Variants in DAO observed in about 807,000 individuals in gnomAD.
The protein encoded by DAO is D-amino acid oxidase.
In DAO, 51 loss-of-function variants were observed where a neutral mutation model predicts 50.1. The ratio of observed to expected loss-of-function variants is 1.02; its 90% CI spans 0.81 to 1.29. The LOEUF (loss-of-function observed/expected upper bound fraction) is 1.29, where lower values mean the gene tolerates loss of function less well. Among genes scored for constraint, DAO ranks in the 50% most tolerant of loss-of-function variants. The pLI is 0.00. For synonymous variants in DAO, 160 were observed against 166.2 expected (o/e 0.96, Z 0.29); for missense variants, 436 against 439.4 (o/e 0.99, Z 0.07).
At chr12:108,883,458 T>C (rs1380200564) in intron 1 of DAO, among the ~76,000 whole-genome samples, 2 of 152,246 alleles carry the variant, frequency 1.3e-5, no homozygotes, top group African/African-American at 4.8e-5. Context: ...CCCTCTCTCC[T>C]TTTGTTCCTG....
chr12:108,896,098 G>C (rs1227436485), intron 7 of DAO, among the ~76,000 whole-genome samples: 2 of 151,768 alleles, frequency 1.3e-5, no homozygotes, highest in African/African-American at 2.4e-5. Flanking sequence ...TGAAACTTTA[G>C]TTAGTGCCCA....
At chr12:108,884,308 A>G (rs1481637870) in intron 1 of DAO, among the ~76,000 whole-genome samples, 1 of 152,196 alleles carries the variant, frequency 6.6e-6, no homozygotes, top group Non-Finnish European at 1.5e-5. Context: ...TGGCTGTGTG[A>G]CTTCAGGTAA....
Position 108,889,515 on chromosome 12 carries a change from C to T in DAO, c.356C>T (p.Pro119Leu), listed in dbSNP as rs780068280. 2.5e-5 allele frequency: 40 copies of T among 1,613,170 alleles called. No homozygotes were observed. Among genetic ancestry groups the T allele is most frequent in the East Asian group, 4.5e-5 (2 of 44,808 alleles). The change falls in exon 4 of 11, where the codon CCC becomes CTC. Residue 119 changes from proline (P) to leucine (L), a missense_variant. Physicochemically the swap from Pro to Leu is moderately conservative, Grantham distance 98. Transcript: ENST00000228476. ...GTTCTGGGATTTCGGAAGCTGACCC[C>T]CAGAGAGCTGGATATGTTCCCAGAT... ...DTVLGFRKLT[P>L]RELDMFPDYG...
chr12:108,887,427 C>T (rs759028407), intron 2 of DAO, 23 bp from the exon 3 acceptor site: 19 of 1,576,352 alleles, frequency 1.2e-5, no homozygotes, highest in Admixed American at 1.7e-5. Context: ...ATTGGGTGAT[C>T]GAACTCTTCA....
In DAO at chr12:108,898,660, C is replaced by T. The variant is rs2039588143; in HGVS notation, c.696-19C>T. The T allele has an allele frequency of 6.6e-7, 1 of 1,525,748 alleles. No homozygotes were observed. Among genetic ancestry groups the T allele is most frequent in the East Asian group, 2.2e-5 (1 of 44,474 alleles). 94.5% of individuals were successfully genotyped at this position (1,525,748 alleles called of 1,614,324 possible). On this transcript the variant is annotated intron_variant, in intron 8 of 10. Coordinates refer to ENST00000228476, the MANE Select transcript of DAO (RefSeq NM_001917.5). ...GCCTTCATTTTCCTTCATCCTTGAC[C>T]CTCCTCATTTGTATCTAGGACCCAG...
At chr12:108,896,883 A>C in intron 7 of DAO, 123 bp from the exon 8 acceptor site, 1 of 770,572 alleles carries the variant, frequency 1.3e-6, no homozygotes, top group Non-Finnish European at 2.3e-6. Context: ...CCATAGTGTC[A>C]TGAGAGGTCT....
chr12:108,885,927 G>T (rs1593158758), intron 2 of DAO, among the ~76,000 whole-genome samples: 1 of 152,108 alleles, frequency 6.6e-6, no homozygotes, highest in Non-Finnish European at 1.5e-5. Flanking sequence ...GCTAATTTTT[G>T]TATTTTTAGT....
chr12:108,889,941 C>T (rs968790561), intron 4 of DAO, among the ~76,000 whole-genome samples: 1 of 152,096 alleles, frequency 6.6e-6, no homozygotes, highest in Admixed American at 6.6e-5. Flanking sequence ...CTTCTCCTCA[C>T]CCCACCCCAC....
chr12:108,893,129 C>A, intron 6 of DAO, 93 bp downstream of exon 6: 1 of 1,137,368 alleles, frequency 8.8e-7, no homozygotes, highest in South Asian at 1.3e-5. Context: ...TTCTCAGGCT[C>A]CTAGGGTCCC....
Position 108,897,000 on chromosome 12 carries a change from C to T in DAO, c.613-6C>T, listed in dbSNP as rs2039567295. On this transcript the variant is annotated splice_region_variant and splice_polypyrimidine_tract_variant and intron_variant, in intron 7 of 10. Coordinates refer to ENST00000228476, the MANE Select transcript of DAO (RefSeq NM_001917.5). Reference sequence around the variant, plus strand: ...CTGATGAGACTTTCCTGCCCTGAATCAACAGGTGGACGCCCCTTGGATGAA... The same window carrying T: ...CTGATGAGACTTTCCTGCCCTGAATTAACAGGTGGACGCCCCTTGGATGAA... The T allele has an allele frequency of 1.2e-6, 2 of 1,612,422 alleles. No homozygotes were observed. The highest frequency in any genetic ancestry group is 1.7e-6 in the Non-Finnish European group (2 of 1,178,568).
In DAO at chr12:108,899,452, C is replaced by A; in HGVS notation, c.889C>A (p.Arg297Ser). ...GATTCGGCTAGAAAGAGAACAGCTT[C>A]GCACTGGACCTTCAAACACAGAGGT... Reference protein sequence around the residue: ...PQIRLEREQLRTGPSNTEVIH... With the variant: ...PQIRLEREQLSTGPSNTEVIH... Residue 297 changes from arginine (R) to serine (S), a missense_variant, in exon 10 of 11, where the codon CGC (arginine) becomes AGC (serine). Physicochemically the swap from Arg to Ser is moderately radical, Grantham distance 110. Coordinates refer to ENST00000228476, the MANE Select transcript of DAO (RefSeq NM_001917.5). The A allele has an allele frequency of 6.2e-7, 1 of 1,613,660 alleles. No homozygotes were observed. Among genetic ancestry groups the A allele is most frequent in the Non-Finnish European group, 8.5e-7 (1 of 1,179,836 alleles).
intron 8 of DAO, 95 bp downstream of exon 8, chr12:108,897,183 G>A: frequency 1.2e-6 from 1 of 851,388 alleles, no homozygotes; most frequent in South Asian, 1.3e-5. Flanking sequence ...CCCTGCAGTT[G>A]TTCCCTTTCA....
At chr12:108,892,895 GT>G in intron 5 of DAO, 86 bp from the exon 6 acceptor site, 2 of 1,226,082 alleles carry the variant, frequency 1.6e-6, no homozygotes, top group Non-Finnish European at 2.4e-6. Context: ...GCAGAAGGTT[GT>G]TTGGGAAAGG....
At position 108,885,162 on chromosome 12, in the gene DAO, G is replaced by A. The variant is rs1332419831; in HGVS notation, c.156G>A (p.Trp52Ter). 1 of 1,613,292 alleles carries A rather than the reference G, an allele frequency of 6.2e-7. No individual in the cohort carries two copies. The part of the protein sequence containing the change: ...LTTTDVAAGL[W>*]QPYLSDPNNP... ...CCACCGACGTGGCTGCCGGCCTCTG[G>A]CAGCCCTACCTTTCTGACCCCAACA... Residue 52 changes from tryptophan (W) to a stop codon, truncating the protein, a stop_gained, in exon 2 of 11, where the codon TGG becomes TGA. Transcript: ENST00000228476. LOFTEE classifies it high-confidence loss of function.
At chr12:108,885,260 G>C (rs2039424206) in intron 2 of DAO, 60 bp downstream of exon 2, 6 of 1,529,518 alleles carry the variant, frequency 3.9e-6, no homozygotes, top group Non-Finnish European at 5.4e-6. Context: ...TGCAGAGGGA[G>C]TCAGGGTTCC....
intron 2 of DAO, among the ~76,000 whole-genome samples, chr12:108,885,987 A>G (rs528091964): frequency 1.3e-5 from 2 of 152,346 alleles, no homozygotes; most frequent in Middle Eastern, 3.4e-3. Context: ...CCTGACCTCA[A>G]GTGATCTGCC....
At chr12:108,900,332 G>A in intron 10 of DAO, 72 bp from the exon 11 acceptor site, 2 of 1,583,666 alleles carry the variant, frequency 1.3e-6, no homozygotes, top group Non-Finnish European at 8.6e-7. Flanking sequence ...AGTCTTCCAG[G>A]GCAGAAGAGC....
chr12:108,883,301 C>T (rs951956337), intron 1 of DAO, among the ~76,000 whole-genome samples: 10 of 152,130 alleles, frequency 6.6e-5, no homozygotes, highest in Non-Finnish European at 1.0e-4. Flanking sequence ...CGCCTGCCAC[C>T]GCGCCTGGCT....
chr12:108,882,368 C>T (rs986161157), intron 1 of DAO, among the ~76,000 whole-genome samples: 1 of 152,132 alleles, frequency 6.6e-6, no homozygotes, highest in African/African-American at 2.4e-5. Flanking sequence ...CAAAAATTAG[C>T]CAGGCATGTT....
Sources: gnomAD v4.1 joint callset for allele counts (sites outside exome capture counted in the v4.1 genomes callset) on GRCh38, gnomAD v4.1.1 for gene constraint, MANE v1.5 for transcripts, NCBI Gene and HGNC (gene_info 2026-07-23, HGNC 2026-07-21) for gene names.